DMGDH: variants seen among roughly 807,000 people sequenced by gnomAD.
The protein encoded by DMGDH is dimethylglycine dehydrogenase, mitochondrial.
In DMGDH, 76 loss-of-function variants were observed where a neutral mutation model predicts 95.2. That is an observed-to-expected ratio of 0.80 (90% CI 0.66 to 0.97). The LOEUF (loss-of-function observed/expected upper bound fraction) is 0.97. Among genes scored for constraint, DMGDH ranks in the 50% least tolerant of loss-of-function variants. The pLI is 0.00. For synonymous variants in DMGDH, 345 were observed against 377.6 expected, an observed-to-expected ratio of 0.91 and a Z score of 1.00; for missense variants, 987 against 1,055.0, an observed-to-expected ratio of 0.94 and a Z score of 0.89.
intron 13 of DMGDH, among the ~76,000 whole-genome samples, chr5:79,024,640 A>G (rs575578872): frequency 6.7e-6 from 1 of 149,794 alleles, no homozygotes; most frequent in Non-Finnish European, 1.5e-5. Flanking sequence ...AGATTTTCAC[A>G]TGTTTTTCTG....
rs576608959 is a variant in DMGDH at position 79,054,389 on chromosome 5, T to C, written c.376-41A>G. 1.5e-4 allele frequency: 245 copies of C among 1,598,766 alleles called. 1 individual carries two copies. In the South Asian group the frequency reaches 2.5e-3, roughly 17 times the overall value. ...CAGTGAGAGCATATAAATAAGTCATTGTTTGGTACTCAAACATGGTTCTGC... is the reference window on the plus strand; with the variant it reads ...CAGTGAGAGCATATAAATAAGTCATCGTTTGGTACTCAAACATGGTTCTGC... On this transcript the variant is annotated intron_variant, in intron 3 of 15. Transcript: ENST00000255189.
At chr5:79,053,285 T>C (rs1275925411) in intron 4 of DMGDH, among the ~76,000 whole-genome samples, 1 of 152,096 alleles carries the variant, frequency 6.6e-6, no homozygotes, top group Non-Finnish European at 1.5e-5. Context: ...CCCAAGTAGC[T>C]AGGACTACAG....
At chr5:79,063,572 C>T in intron 2 of DMGDH, 41 bp downstream of exon 2, 2 of 1,613,476 alleles carry the variant, frequency 1.2e-6, no homozygotes, top group South Asian at 1.1e-5. Flanking sequence ...TTTACTCATG[C>T]ACAATTCCAC....
chr5:79,032,603 G>A (rs917354988), intron 9 of DMGDH, 84 bp downstream of exon 9: 3 of 1,565,624 alleles, frequency 1.9e-6, no homozygotes, highest in Non-Finnish European at 2.6e-6. Context: ...GAGCAATGGA[G>A]TGTAAGGCAG....
intron 14 of DMGDH, among the ~76,000 whole-genome samples, chr5:79,006,130 T>C (rs535138969): frequency 6.7e-6 from 1 of 148,952 alleles, no homozygotes; most frequent in East Asian, 2.0e-4. Flanking sequence ...ATGGGCACAC[T>C]CAGGGCCATT....
chr5:79,013,129 T>C (rs1753674113), intron 14 of DMGDH, among the ~76,000 whole-genome samples: 1 of 152,232 alleles, frequency 6.6e-6, no homozygotes, highest in Admixed American at 6.5e-5. Context: ...GGTCATTTCT[T>C]TGTTCACACA....
At chr5:78,998,585 C>T (rs1753399252) in intron 15 of DMGDH, among the ~76,000 whole-genome samples, 1 of 152,178 alleles carries the variant, frequency 6.6e-6, no homozygotes, top group Non-Finnish European at 1.5e-5. Context: ...AGTGGTGGCT[C>T]GTGCCTGTAA....
chr5:79,039,656 A>C (rs1754450458), intron 7 of DMGDH, among the ~76,000 whole-genome samples: 1 of 152,108 alleles, frequency 6.6e-6, no homozygotes, highest in South Asian at 2.1e-4. Context: ...ATGTATACAT[A>C]TGTAACTAAC....
Position 79,044,397 on chromosome 5 carries a change from G to A in DMGDH, c.901C>T (p.Arg301Ter), listed in dbSNP as rs199723565. The A allele has an allele frequency of 9.9e-5, 160 of 1,614,030 alleles. No homozygotes were observed. The highest frequency in any genetic ancestry group is 1.6e-4 in the Middle Eastern group (1 of 6,084). Residue 301 changes from arginine to a stop codon, truncating the protein, a stop_gained, in exon 6 of 16, where the codon CGA becomes TGA. Transcript: ENST00000255189. LOFTEE classifies it high-confidence loss of function. ...LRDLEGSYYL[R>*]QERDGLLFGP... ...AACAAAAGCCCATCCCTTTCCTGTCGGAGATAATATGATCCTTCCAGGTCA... is the reference window on the plus strand; with the variant it reads ...AACAAAAGCCCATCCCTTTCCTGTCAGAGATAATATGATCCTTCCAGGTCA...
At chr5:79,062,937 C>T (rs1014522739) in intron 2 of DMGDH, among the ~76,000 whole-genome samples, 1 of 151,920 alleles carries the variant, frequency 6.6e-6, no homozygotes, top group Non-Finnish European at 1.5e-5. Context: ...ACTAAAAATA[C>T]AAAAATTAGC....
At chr5:79,012,430 T>C (rs878889528) in intron 14 of DMGDH, among the ~76,000 whole-genome samples, 6 of 152,120 alleles carry the variant, frequency 3.9e-5, no homozygotes, top group Admixed American at 2.6e-4. Context: ...AGGCTGAGGG[T>C]GCAAGCTGCT....
intron 7 of DMGDH, among the ~76,000 whole-genome samples, chr5:79,040,018 A>G (rs1754463691): frequency 6.6e-6 from 1 of 152,128 alleles, no homozygotes; most frequent in Non-Finnish European, 1.5e-5. Flanking sequence ...ATAATAAAAG[A>G]GTAAACATAA....
In DMGDH at chr5:79,051,407, A is replaced by T. The variant is rs147668827; in HGVS notation, c.625T>A (p.Cys209Ser). 1 of 1,614,166 alleles carries T rather than the reference A, an allele frequency of 6.2e-7. No individual in the cohort carries two copies. Among genetic ancestry groups the T allele is most frequent in the Admixed American group, 1.7e-5 (1 of 60,010 alleles). The change falls in exon 5 of 16, where the codon TGT becomes AGT. Residue 209 changes from cysteine (C) to serine (S), a missense_variant. Coordinates refer to ENST00000255189, the MANE Select transcript of DMGDH (RefSeq NM_013391.3). ...TMALAAGARK[C>S]GALLKYPAPV... ...GCAGGATATTTTAAAAGGGCACCAC[A>T]TTTCCTAGCCCCAGCAGCCAGTGCC...
chr5:79,063,599 G>T lies in DMGDH; in HGVS notation c.276+14C>A. On this transcript the variant is annotated intron_variant, in intron 2 of 15. Transcript: ENST00000255189. ...CAATTCCACGCTTATGACAGTTTGG[G>T]GTGCTTTTCTTACTGCGTGCCAGGT... 1 of 1,614,094 alleles carries T rather than the reference G, an allele frequency of 6.2e-7. No individual in the cohort carries two copies. The highest frequency in any genetic ancestry group is 1.1e-5 in the South Asian group (1 of 91,080).
intron 7 of DMGDH, among the ~76,000 whole-genome samples, chr5:79,035,054 C>T (rs1754305755): frequency 4.0e-5 from 1 of 25,168 alleles, no homozygotes. Context: ...GAGACTCCAT[C>T]TCAAAAAAAA....
chr5:79,020,300 T>C (rs948892687), intron 14 of DMGDH, among the ~76,000 whole-genome samples: 3 of 152,190 alleles, frequency 2.0e-5, no homozygotes, highest in African/African-American at 7.2e-5. Context: ...CCCCAGATGA[T>C]TCTAATGTCC....
In DMGDH at chr5:79,069,588, G is replaced by A; in HGVS notation, c.33C>T (p.Gly11=). The change falls in exon 1 of 16, where the codon GGC becomes GGT. Residue 11 remains glycine (G), a synonymous_variant. Coordinates refer to ENST00000255189, the MANE Select transcript of DMGDH (RefSeq NM_013391.3). The part of the protein sequence containing the change: MLRPGAQLLR[G]LLLRSCPLQG... Reference sequence around the variant, plus strand: ...GCAGCGGGCAGCTCCGCAGCAGGAGGCCCCGCAGCAGCTGCGCGCCGGGAC... The same window carrying A: ...GCAGCGGGCAGCTCCGCAGCAGGAGACCCCGCAGCAGCTGCGCGCCGGGAC... 1 of 1,363,240 alleles carries A rather than the reference G, an allele frequency of 7.3e-7. No individual in the cohort carries two copies. Among genetic ancestry groups the A allele is most frequent in the Non-Finnish European group, 9.5e-7 (1 of 1,057,056 alleles). 84.4% of individuals were successfully genotyped at this position (1,363,240 alleles called of 1,614,324 possible).
At chr5:79,023,857 TGTGA>T (rs1481631941) in intron 14 of DMGDH, among the ~76,000 whole-genome samples, 2 of 152,230 alleles carry the variant, frequency 1.3e-5, no homozygotes, top group African/African-American at 2.4e-5. Context: ...TGCTCCACAC[TGTGA>T]GTATCCAGAA....
At chr5:79,039,978 C>G (rs1004213106) in intron 7 of DMGDH, among the ~76,000 whole-genome samples, 13 of 143,636 alleles carry the variant, frequency 9.1e-5, no homozygotes, top group African/African-American at 2.8e-4. Flanking sequence ...TGTATCTCTT[C>G]CATTTGGCTA....
Sources: gnomAD v4.1 joint callset for allele counts (sites outside exome capture counted in the v4.1 genomes callset) on GRCh38, gnomAD v4.1.1 for gene constraint, MANE v1.5 for transcripts, NCBI Gene and HGNC (gene_info 2026-07-23, HGNC 2026-07-21) for gene names.